Variants in ALDH1A2 observed in about 807,000 individuals in gnomAD.
ALDH1A2 encodes retinal dehydrogenase 2.
A neutral mutation model predicts 60.3 loss-of-function variants in ALDH1A2; 27 were observed. The observed-to-expected ratio is 0.45, with a 90% CI of 0.33 to 0.62. The LOEUF (loss-of-function observed/expected upper bound fraction) is 0.62. Among genes scored for constraint, ALDH1A2 ranks in the 20% least tolerant of loss-of-function variants. The pLI is 0.02. For synonymous variants in ALDH1A2, 289 were observed against 232.4 expected (o/e 1.24, Z -2.21); for missense variants, 581 against 643.8 (o/e 0.90, Z 1.06).
intron 1 of ALDH1A2, among the ~76,000 whole-genome samples, chr15:58,048,625 G>A (rs1197935400): frequency 6.6e-6 from 1 of 151,934 alleles, no homozygotes; most frequent in East Asian, 1.9e-4. Context: ...AAGGGTCCAG[G>A]GGAATTACGG....
At chr15:58,035,443 G>A (rs933217061) in intron 1 of ALDH1A2, among the ~76,000 whole-genome samples, 4 of 134,906 alleles carry the variant, frequency 3.0e-5, no homozygotes, top group East Asian at 4.1e-4. Flanking sequence ...CAATTTAATC[G>A]ATCTGTGCTA....
At chr15:58,057,967 C>T (rs1160508214) in intron 1 of ALDH1A2, 7 of 921,872 alleles carry the variant, frequency 7.6e-6, no homozygotes, top group Non-Finnish European at 1.0e-5. Flanking sequence ...TTAAATAATA[C>T]AATTATATTA....
chr15:58,038,666 T>C (rs373070000), intron 1 of ALDH1A2: 25 of 151,846 alleles, frequency 1.6e-4, no homozygotes, highest in African/African-American at 5.5e-4. Context: ...TAAAGCCAAA[T>C]ACACACCAAT....
chr15:57,954,710 C>A lies in ALDH1A2; in HGVS notation c.*487G>T. ...AACATGAAATGATAATTTGGCTTTA[C>A]AACCTTGAAAAATTGTTCCCGGCCC... On this transcript the variant is annotated 3_prime_UTR_variant, in exon 13 of 13. Coordinates refer to ENST00000249750, the MANE Select transcript of ALDH1A2 (RefSeq NM_003888.4). 2 of 193,964 alleles carry A rather than the reference C, an allele frequency of 1.0e-5. No homozygotes were observed. The highest frequency in any genetic ancestry group is 2.2e-5 in the Non-Finnish European group (2 of 91,306). 12.0% of individuals were successfully genotyped at this position (193,964 alleles called of 1,614,324 possible).
chr15:58,060,289 T>C (rs1043700988), intron 1 of ALDH1A2, among the ~76,000 whole-genome samples: 1 of 152,128 alleles, frequency 6.6e-6, no homozygotes, highest in Admixed American at 6.5e-5. Context: ...AATATATATA[T>C]AGTCATCACT....
intron 12 of ALDH1A2, among the ~76,000 whole-genome samples, chr15:57,960,030 AC>A (rs1893669411): frequency 6.6e-6 from 1 of 152,146 alleles, no homozygotes. Context: ...AAAGGCTGAC[AC>A]AAATCCCTGT....
At chr15:57,979,710 G>A in intron 7 of ALDH1A2, 1 of 260,090 alleles carries the variant, frequency 3.8e-6, no homozygotes, top group Non-Finnish European at 7.8e-6. Context: ...GAGTGTGCTG[G>A]GAGCCTCAGT....
chr15:57,960,623 G>A, intron 12 of ALDH1A2, 147 bp downstream of exon 12: 1 of 705,482 alleles, frequency 1.4e-6, no homozygotes, highest in South Asian at 1.6e-5. Flanking sequence ...ACATGTAATA[G>A]AACTTAGCTT....
At chr15:58,025,218 G>A (rs1896046728) in intron 1 of ALDH1A2, among the ~76,000 whole-genome samples, 1 of 151,944 alleles carries the variant, frequency 6.6e-6, no homozygotes, top group Non-Finnish European at 1.5e-5. Flanking sequence ...AGACTAAAAA[G>A]AATACAACAG....
At chr15:57,986,571 C>CAAAAAAAAAAA (rs71116542) in intron 7 of ALDH1A2, among the ~76,000 whole-genome samples, 4 of 82,068 alleles carry the variant, frequency 4.9e-5, no homozygotes, top group Non-Finnish European at 6.5e-5. Flanking sequence ...ACAGAAAAGC[C>CAAAAAAAAAAA]AAAAAAAAAA....
chr15:58,054,587 T>C (rs1469436610), intron 1 of ALDH1A2, among the ~76,000 whole-genome samples: 1 of 152,144 alleles, frequency 6.6e-6, no homozygotes, highest in Non-Finnish European at 1.5e-5. Context: ...CAACTCTTTC[T>C]GGCAAGCATC....
intron 7 of ALDH1A2, among the ~76,000 whole-genome samples, chr15:57,975,186 T>C (rs1334958020): frequency 1.3e-5 from 2 of 151,810 alleles, no homozygotes; most frequent in African/African-American, 4.8e-5. Context: ...AATCCAGCCA[T>C]TCCATTCCTA....
At position 58,010,785 on chromosome 15, in the gene ALDH1A2, GA is replaced by G; in HGVS notation, c.364-8del. 1 of 1,612,880 alleles carries G rather than the reference GA, an allele frequency of 6.2e-7. No homozygotes were observed. The highest frequency in any genetic ancestry group is 8.5e-7 in the Non-Finnish European group (1 of 1,179,136). Reference sequence around the variant, plus strand: ...CATTTAGGGATTCCATGGTCTGTTGGAAGAGAAATGGAGAGATACTAAGTCC... The same window carrying G: ...CATTTAGGGATTCCATGGTCTGTTGGAGAGAAATGGAGAGATACTAAGTCC... On this transcript the variant is annotated splice_polypyrimidine_tract_variant and splice_region_variant and intron_variant, in intron 3 of 12. Coordinates refer to ENST00000249750, the MANE Select transcript of ALDH1A2 (RefSeq NM_003888.4).
chr15:58,031,828 T>C (rs1254286439), intron 1 of ALDH1A2, among the ~76,000 whole-genome samples: 36 of 152,160 alleles, frequency 2.4e-4, no homozygotes, highest in Non-Finnish European at 4.1e-4. Flanking sequence ...CCAGTTAGAA[T>C]GGCGATGATT....
At chr15:58,058,148 T>C in intron 1 of ALDH1A2, 6 of 1,338,130 alleles carry the variant, frequency 4.5e-6, no homozygotes, top group East Asian at 2.5e-5. Context: ...CATAAATTCA[T>C]ACAGGCATTT....
chr15:58,024,220 A>G (rs1447279129), intron 1 of ALDH1A2, among the ~76,000 whole-genome samples: 1 of 152,342 alleles, frequency 6.6e-6, no homozygotes, highest in African/African-American at 2.4e-5. Context: ...CTACAGTGTA[A>G]ACAATAAGAA....
chr15:58,041,921 C>G (rs1408874276), intron 1 of ALDH1A2, among the ~76,000 whole-genome samples: 4 of 151,914 alleles, frequency 2.6e-5, no homozygotes, highest in African/African-American at 9.7e-5. Flanking sequence ...AACTCCAACA[C>G]CATATCGTAG....
intron 1 of ALDH1A2, among the ~76,000 whole-genome samples, chr15:58,063,353 C>T (rs1897090568): frequency 6.6e-6 from 1 of 152,208 alleles, no homozygotes; most frequent in Non-Finnish European, 1.5e-5. Flanking sequence ...CTTTTAAAAT[C>T]CCCTATCGAA....
intron 7 of ALDH1A2, 152 bp from the exon 8 acceptor site, chr15:57,965,979 T>C (rs1566930668): frequency 2.9e-6 from 2 of 696,300 alleles, no homozygotes; most frequent in East Asian, 5.4e-5. Context: ...GGTTACAAGA[T>C]GTAAGTTAGT....
Sources: allele counts gnomAD v4.1 joint callset (sites outside exome capture counted in the v4.1 genomes callset), GRCh38; gene constraint gnomAD v4.1.1; transcripts MANE v1.5; gene names NCBI Gene and HGNC (gene_info 2026-07-23, HGNC 2026-07-21).